SLC16A2: variants seen among roughly 807,000 people sequenced by gnomAD.
The protein encoded by SLC16A2 is monocarboxylate transporter 8.
In SLC16A2, 3 loss-of-function variants were observed where a neutral mutation model predicts 27.2. That is an observed-to-expected ratio of 0.11 (90% CI 0.05 to 0.28). The LOEUF is 0.28. Ranked by LOEUF, SLC16A2 falls within the 10% of genes least tolerant of loss-of-function variation. The pLI is 1.00. For missense variants in SLC16A2, 295 were observed against 458.5 expected, an observed-to-expected ratio of 0.64 and a Z score of 3.26; for synonymous variants, 202 against 187.8, an observed-to-expected ratio of 1.08 and a Z score of -0.62.
intron 1 of SLC16A2, among the ~76,000 whole-genome samples, chrX:74,423,410 G>A (rs893640862): frequency 5.3e-5 from 6 of 112,171 alleles, no homozygotes; most frequent in African/African-American, 1.9e-4. Flanking sequence ...ATTCTGGAGT[G>A]TCCACCTGTG....
intron 1 of SLC16A2, among the ~76,000 whole-genome samples, chrX:74,505,076 C>A (rs1291277747): frequency 8.9e-6 from 1 of 111,952 alleles, no homozygotes; most frequent in Non-Finnish European, 1.9e-5. Context: ...TCAGAGCCTG[C>A]ACATTTAGCA....
chrX:74,521,176 T>C (rs772994957), intron 2 of SLC16A2, 42 bp downstream of exon 2: 2 of 1,205,455 alleles, frequency 1.7e-6, no homozygotes, highest in East Asian at 3.0e-5. Flanking sequence ...AGGCTGAGGG[T>C]TGGTTTTTTT....
At chrX:74,458,409 C>T (rs1211680574) in intron 1 of SLC16A2, among the ~76,000 whole-genome samples, 3 of 111,620 alleles carry the variant, frequency 2.7e-5, no homozygotes, top group Non-Finnish European at 5.6e-5. Flanking sequence ...AGTGCAATGG[C>T]GTGATCTCAG....
chrX:74,487,177 C>A (rs1715340958), intron 1 of SLC16A2, among the ~76,000 whole-genome samples: 1 of 110,664 alleles, frequency 9.0e-6, no homozygotes, highest in Admixed American at 9.7e-5. Context: ...ATTCGTGAGA[C>A]CCATTGAGGG....
In SLC16A2 at chrX:74,532,977, T is replaced by G. The variant is rs1176691424; in HGVS notation, c.*1424T>G. 2.7e-5 allele frequency: 3 copies of G among 112,166 alleles called. No homozygotes were observed. The highest frequency in any genetic ancestry group is 1.9e-5 in the Non-Finnish European group (1 of 53,049). 9.2% of individuals were successfully genotyped at this position (112,166 alleles called of 1,213,427 possible). A position where few individuals can be genotyped will look rare whatever the true frequency, so the allele number is the denominator to read the frequency against. On this transcript the variant is annotated 3_prime_UTR_variant, in exon 6 of 6. Coordinates refer to ENST00000587091, the MANE Select transcript of SLC16A2 (RefSeq NM_006517.5). ...GGCAGAGGGCACTGCCAGGCTGTGT[T>G]CAGTTAGCACAGCTCACCTCATTAG...
intron 1 of SLC16A2, among the ~76,000 whole-genome samples, chrX:74,449,227 G>A (rs1928894069): frequency 8.9e-6 from 1 of 111,941 alleles, no homozygotes. Context: ...CTGTGTGACT[G>A]TGGACTAGGC....
chrX:74,445,255 A>T (rs1928817830), intron 1 of SLC16A2, among the ~76,000 whole-genome samples: 1 of 111,001 alleles, frequency 9.0e-6, no homozygotes, highest in African/African-American at 3.3e-5. Flanking sequence ...GAGGCAAGGG[A>T]TCTGGATTCG....
chrX:74,478,391 T>A (rs1413241851), intron 1 of SLC16A2, among the ~76,000 whole-genome samples: 1 of 111,600 alleles, frequency 9.0e-6, no homozygotes, highest in African/African-American at 3.3e-5. Flanking sequence ...TCTCTGCACA[T>A]GAGATGGGTT....
At chrX:74,521,730 T>C (rs1391014818) in intron 2 of SLC16A2, among the ~76,000 whole-genome samples, 2 of 112,181 alleles carry the variant, frequency 1.8e-5, no homozygotes, top group African/African-American at 6.5e-5. Flanking sequence ...GCTGCTGACA[T>C]ATGGATGATT....
At chrX:74,443,338 C>T (rs1403266848) in intron 1 of SLC16A2, among the ~76,000 whole-genome samples, 1 of 111,759 alleles carries the variant, frequency 8.9e-6, no homozygotes, top group Non-Finnish European at 1.9e-5. Context: ...TTCCTAAGGC[C>T]CCTTCCAGCT....
At chrX:74,473,810 A>C in intron 1 of SLC16A2, 1 of 546,128 alleles carries the variant, frequency 1.8e-6, no homozygotes, top group Non-Finnish European at 3.3e-6. Flanking sequence ...TGGATCACTC[A>C]TTACCACACA....
intron 1 of SLC16A2, among the ~76,000 whole-genome samples, chrX:74,439,626 C>T (rs1928705920): frequency 9.2e-6 from 1 of 108,183 alleles, no homozygotes; most frequent in African/African-American, 3.4e-5. Context: ...CTCTCTCTCT[C>T]TTTTCCCTTC....
chrX:74,526,033 G>A lies in SLC16A2; in HGVS notation c.1170+140G>A, dbSNP rs796954056. 1.0e-5 allele frequency: 7 copies of A among 698,810 alleles called. No individual in the cohort carries two copies. In the East Asian group the frequency reaches 1.7e-4, roughly 17 times the overall value. The allele number at this position is 698,810 out of a possible 1,213,427, so 57.6% of individuals were successfully genotyped here. On this transcript the variant is annotated intron_variant, in intron 4 of 5. Coordinates refer to ENST00000587091, the MANE Select transcript of SLC16A2 (RefSeq NM_006517.5). ...AATTCTCTGAGCCTCCATTTCACCT[G>A]CTTTTAAACAAAGAAAATCATCCTT...
At chrX:74,519,984 CAAAGT>C (rs1930381750) in intron 1 of SLC16A2, among the ~76,000 whole-genome samples, 1 of 111,277 alleles carries the variant, frequency 9.0e-6, no homozygotes, top group Non-Finnish European at 1.9e-5. Context: ...AAGGCTCCAA[CAAAGT>C]AAAGATTCCC....
At chrX:74,486,070 TCCCTCCC>T (rs1376057271) in intron 1 of SLC16A2, among the ~76,000 whole-genome samples, 1 of 112,057 alleles carries the variant, frequency 8.9e-6, no homozygotes, top group Non-Finnish European at 1.9e-5. Flanking sequence ...CCAATCATTG[TCCCTCCC>T]CCTGTGCTCT....
At chrX:74,438,563 C>A (rs1368230950) in intron 1 of SLC16A2, among the ~76,000 whole-genome samples, 2 of 112,439 alleles carry the variant, frequency 1.8e-5, no homozygotes, top group Non-Finnish European at 3.7e-5. Context: ...CATGGATATA[C>A]TTTCTCCTTC....
chrX:74,481,316 A>G (rs1396214165), intron 1 of SLC16A2, among the ~76,000 whole-genome samples: 1 of 112,088 alleles, frequency 8.9e-6, no homozygotes, highest in Non-Finnish European at 1.9e-5. Context: ...AAAATTCACC[A>G]GTGAAGACAT....
chrX:74,451,499 T>C (rs1928940579), intron 1 of SLC16A2, among the ~76,000 whole-genome samples: 1 of 112,491 alleles, frequency 8.9e-6, no homozygotes, highest in Admixed American at 9.4e-5. Context: ...AGTGCACTTT[T>C]CCAATGAATC....
intron 1 of SLC16A2, among the ~76,000 whole-genome samples, chrX:74,505,718 C>A (rs1167448887): frequency 8.9e-6 from 1 of 112,242 alleles, no homozygotes; most frequent in Non-Finnish European, 1.9e-5. Context: ...CCCAGACCAA[C>A]CATCCCAGGT....
Sources: gnomAD v4.1 joint callset for allele counts (sites outside exome capture counted in the v4.1 genomes callset) on GRCh38, gnomAD v4.1.1 for gene constraint, MANE v1.5 for transcripts, NCBI Gene and HGNC (gene_info 2026-07-23, HGNC 2026-07-21) for gene names.